AKAP6: variants seen among roughly 807,000 people sequenced by gnomAD.
AKAP6 encodes the protein A-kinase anchoring protein 6.
A neutral mutation model predicts 188.5 loss-of-function variants in AKAP6; 58 were observed. The ratio of observed to expected loss-of-function variants is 0.31; its 90% CI spans 0.25 to 0.38. The LOEUF (loss-of-function observed/expected upper bound fraction) is 0.38, where lower values mean the gene tolerates loss of function less well. AKAP6 is among the 10% of genes least tolerant of loss of function. The probability of loss-of-function intolerance (pLI) is 1.00; values close to 1 mark genes in which losing one functional copy is unlikely to be tolerated. For synonymous variants in AKAP6, 989 were observed against 998.6 expected (o/e 0.99, Z 0.18); for missense variants, 2,710 against 2,740.0 (o/e 0.99, Z 0.24).
At chr14:32,534,754 T>G (rs796592791) in intron 2 of AKAP6, among the ~76,000 whole-genome samples, 36 of 151,904 alleles carry the variant, frequency 2.4e-4, no homozygotes, top group African/African-American at 8.7e-4. Flanking sequence ...TCACCTGAGG[T>G]CAGGAGTTCA....
intron 12 of AKAP6, among the ~76,000 whole-genome samples, chr14:32,807,393 C>T (rs1407833523): frequency 6.6e-6 from 1 of 151,230 alleles, no homozygotes; most frequent in Non-Finnish European, 1.5e-5. Context: ...GCCTTAAAGT[C>T]AGGGTAATTT....
chr14:32,488,520 C>G (rs1879822810), intron 2 of AKAP6, among the ~76,000 whole-genome samples: 1 of 152,150 alleles, frequency 6.6e-6, no homozygotes, highest in African/African-American at 2.4e-5. Context: ...GGCTTCAGCC[C>G]CCTTTCCAGG....
chr14:32,499,963 AATTTGT>A lies in AKAP6; in HGVS notation c.325-35582_325-35577del, dbSNP rs374878263. Among the ~76,000 whole-genome samples the A allele has an allele frequency of 4.6e-3, 697 of 152,220 alleles. 1 individual carries two copies. Among genetic ancestry groups the A allele is most frequent in the East Asian group, 9.3e-3 (48 of 5,176 alleles). ...AAAAAAACTAAAGCTTTGCAGTAAG[AATTTGT>A]ATTTGTATGTACCAAAACAATATAT... On this transcript the variant is annotated intron_variant, in intron 2 of 13. Transcript: ENST00000280979.
intron 1 of AKAP6, among the ~76,000 whole-genome samples, chr14:32,363,649 C>T (rs575358970): frequency 4.1e-4 from 63 of 152,284 alleles, no homozygotes; most frequent in African/African-American, 1.5e-3. Context: ...TCTGCTCTTT[C>T]CACTTTTTTT....
intron 9 of AKAP6, among the ~76,000 whole-genome samples, chr14:32,731,728 T>C (rs966581103): frequency 6.6e-6 from 1 of 152,106 alleles, no homozygotes; most frequent in Non-Finnish European, 1.5e-5. Context: ...TAGAGTTATT[T>C]GAAGAGAATC....
At chr14:32,651,053 G>A (rs17099415) in intron 7 of AKAP6, among the ~76,000 whole-genome samples, 3,151 of 152,238 alleles carry the variant, frequency 0.021, 118 homozygotes, top group African/African-American at 0.072. Flanking sequence ...TAGAGATTGT[G>A]TTGCAAGAAC....
chr14:32,522,985 G>T (rs185787158), intron 2 of AKAP6, among the ~76,000 whole-genome samples: 12,453 of 152,152 alleles, frequency 0.082, 563 homozygotes, highest in Non-Finnish European at 0.1. Flanking sequence ...ACCATGGAAT[G>T]CTATGCAGCC....
intron 2 of AKAP6, among the ~76,000 whole-genome samples, chr14:32,463,840 C>T (rs563336978): frequency 6.6e-6 from 1 of 152,214 alleles, no homozygotes; most frequent in Admixed American, 6.5e-5. Context: ...AATACATAGA[C>T]TGCTAGCAAG....
intron 11 of AKAP6, among the ~76,000 whole-genome samples, chr14:32,739,993 A>G (rs755643843): frequency 1.3e-5 from 2 of 152,268 alleles, no homozygotes; most frequent in Non-Finnish European, 2.9e-5. Context: ...TCCCACCAAC[A>G]GTGAACAAAA....
chr14:32,737,233 A>T (rs2031470280), intron 11 of AKAP6, among the ~76,000 whole-genome samples: 1 of 152,028 alleles, frequency 6.6e-6, no homozygotes, highest in Admixed American at 6.6e-5. Flanking sequence ...AGTTAGGGGG[A>T]TCTAGCATAA....
intron 1 of AKAP6, among the ~76,000 whole-genome samples, chr14:32,410,643 T>C (rs887734315): frequency 1.3e-5 from 2 of 152,036 alleles, no homozygotes; most frequent in Non-Finnish European, 2.9e-5. Flanking sequence ...ATAATGAGAC[T>C]TTTTTTTAAA....
chr14:32,505,782 A>T (rs1880841723), intron 2 of AKAP6, among the ~76,000 whole-genome samples: 1 of 152,224 alleles, frequency 6.6e-6, no homozygotes, highest in South Asian at 2.1e-4. Flanking sequence ...TCACAATTAC[A>T]GTCTGATAAT....
At chr14:32,758,486 C>A (rs1429637229) in intron 11 of AKAP6, among the ~76,000 whole-genome samples, 2 of 152,198 alleles carry the variant, frequency 1.3e-5, no homozygotes, top group Non-Finnish European at 2.9e-5. Flanking sequence ...GTAATCCCAG[C>A]ACTTTGGGAG....
At chr14:32,538,531 T>C (rs923410648) in intron 3 of AKAP6, among the ~76,000 whole-genome samples, 3 of 151,708 alleles carry the variant, frequency 2.0e-5, no homozygotes, top group Non-Finnish European at 4.4e-5. Context: ...ATTCTTTATT[T>C]AAATATGGAG....
chr14:32,829,576 A>G (rs921812593), intron 13 of AKAP6, among the ~76,000 whole-genome samples: 1 of 151,796 alleles, frequency 6.6e-6, no homozygotes, highest in African/African-American at 2.4e-5. Flanking sequence ...AAAAGGTCAA[A>G]CTTGATGATT....
At chr14:32,491,473 A>G (rs1299780949) in intron 2 of AKAP6, among the ~76,000 whole-genome samples, 1 of 152,202 alleles carries the variant, frequency 6.6e-6, no homozygotes, top group Non-Finnish European at 1.5e-5. Flanking sequence ...GTGGCTCTCT[A>G]TAACCCATAG....
intron 2 of AKAP6, among the ~76,000 whole-genome samples, chr14:32,521,998 C>G (rs1007854150): frequency 2.6e-5 from 4 of 152,100 alleles, no homozygotes; most frequent in Non-Finnish European, 5.9e-5. Context: ...GAGTTATAGA[C>G]CAATGGAACA....
In AKAP6 at chr14:32,353,779, T is replaced by C. The variant is rs190703412; in HGVS notation, c.-35+24371T>C. ...GCAAAGTCTTAGGATACAAAATCAATGTGCAAAAATCACAAGCATTCTTAT... is the reference window on the plus strand; with the variant it reads ...GCAAAGTCTTAGGATACAAAATCAACGTGCAAAAATCACAAGCATTCTTAT... On this transcript the variant is annotated intron_variant, in intron 1 of 13. Coordinates refer to ENST00000280979, the MANE Select transcript of AKAP6 (RefSeq NM_004274.5). Among the ~76,000 whole-genome samples, 389 of 143,430 alleles carry C rather than the reference T, an allele frequency of 2.7e-3. 1 individual carries two copies. The highest frequency in any genetic ancestry group is 9.6e-3 in the African/African-American group (365 of 37,980). The allele number at this position is 143,430 out of a possible 152,430, so 94.1% of individuals were successfully genotyped here.
intron 13 of AKAP6, among the ~76,000 whole-genome samples, 193 bp from the exon 14 acceptor site, chr14:32,829,655 G>A (rs978923929): frequency 7.3e-5 from 11 of 150,490 alleles, no homozygotes; most frequent in South Asian, 2.1e-4. Context: ...TCACATCTAC[G>A]CTGAGACTTT....
Sources: gnomAD v4.1 joint callset for allele counts (sites outside exome capture counted in the v4.1 genomes callset) on GRCh38, gnomAD v4.1.1 for gene constraint, MANE v1.5 for transcripts, NCBI Gene and HGNC (gene_info 2026-07-23, HGNC 2026-07-21) for gene names.